Variants in IQGAP3 observed in about 807,000 individuals in gnomAD.
IQGAP3 encodes IQ motif containing GTPase activating protein 3.
IQGAP3 carries 165 observed loss-of-function variants against 208.2 expected under a neutral mutation model. That is an observed-to-expected ratio of 0.79 (90% confidence interval 0.70 to 0.90). The LOEUF (loss-of-function observed/expected upper bound fraction) is 0.90, where lower values mean the gene tolerates loss of function less well. Ranked by LOEUF, IQGAP3 falls within the 40% of genes least tolerant of loss-of-function variation. IQGAP3 has a pLI of 0.00. For missense variants in IQGAP3, 1,811 were observed against 2,043.1 expected (o/e 0.89, Z 2.19); for synonymous variants, 703 against 803.6 (o/e 0.87, Z 2.12).
At chr1:156,533,150 C>T (rs1674500825) in intron 31 of IQGAP3, 44 bp from the exon 32 acceptor site, 1 of 1,608,454 alleles carries the variant, frequency 6.2e-7, no homozygotes, top group Admixed American at 1.7e-5. Flanking sequence ...CATACACACA[C>T]ACATGCGCAC....
intron 2 of IQGAP3, 127 bp downstream of exon 2, chr1:156,569,249 T>A: frequency 3.3e-6 from 2 of 603,600 alleles, no homozygotes; most frequent in Non-Finnish European, 3.0e-6. Context: ...ATTAAAAAGC[T>A]ATTTCAACTC....
chr1:156,542,312 C>A (rs1300155003), intron 22 of IQGAP3, among the ~76,000 whole-genome samples: 1 of 152,176 alleles, frequency 6.6e-6, no homozygotes, highest in Non-Finnish European at 1.5e-5. Flanking sequence ...GCCTCAGCCT[C>A]CCAAGTAGCT....
In IQGAP3 at chr1:156,548,584, G is replaced by T; in HGVS notation, c.1990C>A (p.Pro664Thr). 1 of 1,600,068 alleles carries T rather than the reference G, an allele frequency of 6.2e-7. No individual in the cohort carries two copies. The highest frequency in any genetic ancestry group is 1.3e-5 in the African/African-American group (1 of 74,820). The change falls in exon 17 of 38, where the codon CCA (proline) becomes ACA (threonine). Residue 664 changes from proline (P) to threonine (T), a missense_variant. Coordinates refer to ENST00000361170, the MANE Select transcript of IQGAP3 (RefSeq NM_178229.5). ...LESAMAKKQR[P>T]ADTAFWVQHD... is the part of the protein sequence containing the mutation. ...AGGGTCAGGTTGGGGCCATTACCTG[G>T]ACGCTGTTTCTTTGCCATGGCACTT...
chr1:156,539,343 C>G, intron 25 of IQGAP3, 31 bp downstream of exon 25: 1 of 1,602,304 alleles, frequency 6.2e-7, no homozygotes, highest in South Asian at 1.1e-5. Flanking sequence ...AACCCATTCT[C>G]TCCCCATTCC....
intron 4 of IQGAP3, among the ~76,000 whole-genome samples, chr1:156,565,001 GCAA>G (rs1156484060): frequency 1.3e-5 from 2 of 152,070 alleles, no homozygotes; most frequent in East Asian, 3.8e-4. Context: ...AACAATAACA[GCAA>G]CAACAACAAA....
rs781107595 is a variant in IQGAP3 at position 156,535,152 on chromosome 1, A to T, written c.3507+11T>A. 1 of 1,604,158 alleles carries T rather than the reference A, an allele frequency of 6.2e-7. No individual in the cohort carries two copies. The highest frequency in any genetic ancestry group is 8.5e-7 in the Non-Finnish European group (1 of 1,171,192). On this transcript the variant is annotated intron_variant, in intron 28 of 37. Transcript: ENST00000361170. ...GGGATTGGGAGGTGGGGGTGGGGAG[A>T]CAACACTTGCCTTATAGACCTCGCT...
intron 15 of IQGAP3, among the ~76,000 whole-genome samples, chr1:156,550,884 C>T (rs996865672): frequency 9.2e-5 from 14 of 152,302 alleles, no homozygotes; most frequent in African/African-American, 3.4e-4. Context: ...AAGCCTATGC[C>T]TGCCACACTG....
rs116270043 is a variant in IQGAP3 at position 156,562,412 on chromosome 1, C to T, written c.877+175G>A. Among the ~76,000 whole-genome samples, 675 of 152,218 alleles carry T rather than the reference C, an allele frequency of 4.4e-3. 3 individuals are homozygous for T. The highest frequency in any genetic ancestry group is 0.015 in the African/African-American group (641 of 41,526). ...GGACATGGACTACTTCTCTAGACAC[C>T]GATGGCCAGAAAGCAGTGCACATAC... On this transcript the variant is annotated intron_variant, in intron 9 of 37. Transcript: ENST00000361170.
At chr1:156,536,167 G>A (rs1674673656) in intron 27 of IQGAP3, among the ~76,000 whole-genome samples, 1 of 152,008 alleles carries the variant, frequency 6.6e-6, no homozygotes, top group African/African-American at 2.4e-5. Context: ...TGGGGAGCAG[G>A]GTTATAAACT....
rs534049787 is a variant in IQGAP3, at chr1:156,525,455, G to T, written c.*1031C>A. On this transcript the variant is annotated 3_prime_UTR_variant, in exon 38 of 38. Transcript: ENST00000361170. ...CATCAGAAGGGCAACAGTACAGGAA[G>T]TTGGGTAGATGTGGGGACAACAGAG... 3 of 152,808 alleles carry T rather than the reference G, an allele frequency of 2.0e-5. No individual in the cohort carries two copies. Among genetic ancestry groups the T allele is most frequent in the Admixed American group, 2.0e-4 (3 of 15,304 alleles). 9.5% of individuals were successfully genotyped at this position (152,808 alleles called of 1,614,324 possible).
rs1443768469 is a variant in IQGAP3, at chr1:156,538,940, A to C, written c.3150T>G (p.Ser1050Arg). 1.9e-6 allele frequency: 3 copies of C among 1,613,956 alleles called. No homozygotes were observed. Residue 1050 changes from serine to arginine, a missense_variant, in exon 26 of 38, where the codon AGT (serine) becomes AGG (arginine). Transcript: ENST00000361170. Reference sequence around the variant, plus strand: ...CCTTGCCCAGAATCTCCTGCAGGGCACTCTGTCCCCGCCCATTACGGTAGA... The same window carrying C: ...CCTTGCCCAGAATCTCCTGCAGGGCCCTCTGTCCCCGCCCATTACGGTAGA... ...VRFYRNGRGQ[S>R]ALQEILGKVI...
chr1:156,566,035 G>T lies in IQGAP3; in HGVS notation c.352C>A (p.Leu118Met). 1.2e-6 allele frequency: 2 copies of T among 1,612,952 alleles called. No homozygotes were observed. The highest frequency in any genetic ancestry group is 2.2e-5 in the South Asian group (2 of 91,014). Residue 118 changes from leucine (L) to methionine (M), a missense_variant, in exon 4 of 38, where the codon CTG becomes ATG. Physicochemically the swap from Leu to Met is conservative, Grantham distance 15. Coordinates refer to ENST00000361170, the MANE Select transcript of IQGAP3 (RefSeq NM_178229.5). ...FWLSAIAHIG[L>M]PSTFFPETTD... The stretch of plus-strand genomic sequence containing the variant: ...TTCAGGCCCAGTATTACCGAAGGCA[G>T]ACCGATGTGGGCTATTGCAGATAGC...
intron 28 of IQGAP3, 44 bp downstream of exon 28, chr1:156,535,119 G>A: frequency 7.1e-7 from 1 of 1,405,484 alleles, no homozygotes; most frequent in Non-Finnish European, 1.0e-6. Context: ...TACCAGCAAA[G>A]CAAAGGAGGG....
At chr1:156,550,209 A>G (rs1675479602) in intron 16 of IQGAP3, 52 bp downstream of exon 16, 4 of 1,273,786 alleles carry the variant, frequency 3.1e-6, no homozygotes, top group Admixed American at 3.4e-5. Flanking sequence ...GCTGCTGCTG[A>G]GCCCACATCA....
In IQGAP3 at chr1:156,563,217, T is replaced by C. The variant is rs1289063355; in HGVS notation, c.715A>G (p.Asn239Asp). The change falls in exon 8 of 38, where the codon AAT becomes GAT. Residue 239 changes from asparagine (N) to aspartate (D), a missense_variant. Transcript: ENST00000361170. ...ALQNPSALLE[N>D]LREPLAAVYQ... ...ACGGCTGCCAGAGGCTCTCGGAGATTCTCCAGAAGAGCACTGGGATTCTGC... is the reference window on the plus strand; with the variant it reads ...ACGGCTGCCAGAGGCTCTCGGAGATCCTCCAGAAGAGCACTGGGATTCTGC... The C allele has an allele frequency of 4.3e-6, 7 of 1,613,112 alleles. No individual in the cohort carries two copies. Among genetic ancestry groups the C allele is most frequent in the Non-Finnish European group, 5.9e-6 (7 of 1,179,346 alleles).
chr1:156,533,751 A>G, intron 31 of IQGAP3, 22 bp downstream of exon 31: 1 of 1,598,130 alleles, frequency 6.3e-7, no homozygotes, highest in South Asian at 1.1e-5. Flanking sequence ...AGCTGGCCTC[A>G]GCTGCTAAGG....
chr1:156,530,081 C>T (rs549472046), intron 34 of IQGAP3, 24 bp downstream of exon 34: 266 of 1,557,906 alleles, frequency 1.7e-4, no homozygotes, highest in Non-Finnish European at 2.2e-4. Flanking sequence ...CACAGGCACA[C>T]GGAGCCCAGG....
At chr1:156,532,892 T>C in intron 32 of IQGAP3, 88 bp downstream of exon 32, 1 of 1,430,838 alleles carries the variant, frequency 7.0e-7, no homozygotes, top group Non-Finnish European at 9.7e-7. Context: ...AGGAAGAAGG[T>C]GGAATGGGCG....
intron 2 of IQGAP3, among the ~76,000 whole-genome samples, chr1:156,567,307 G>A (rs729358): frequency 0.96 from 146,458 of 152,284 alleles, 70,692 homozygotes; most frequent in East Asian, 1. Context: ...TGATGATGAT[G>A]AGAGTAGTGG....
Sources: gnomAD v4.1 joint callset for allele counts (sites outside exome capture counted in the v4.1 genomes callset) on GRCh38, gnomAD v4.1.1 for gene constraint, MANE v1.5 for transcripts, NCBI Gene and HGNC (gene_info 2026-07-23, HGNC 2026-07-21) for gene names.